PRKAA2: variants seen among roughly 807,000 people sequenced by gnomAD.
PRKAA2 encodes the protein 5'-AMP-activated protein kinase catalytic subunit alpha-2.
PRKAA2 carries 40 observed loss-of-function variants against 56.3 expected under a neutral mutation model. The ratio of observed to expected loss-of-function variants is 0.71; its 90% CI spans 0.55 to 0.92. The LOEUF (loss-of-function observed/expected upper bound fraction) is 0.92, where lower values mean the gene tolerates loss of function less well. Ranked by LOEUF, PRKAA2 falls within the 40% of genes least tolerant of loss-of-function variation. The probability of loss-of-function intolerance (pLI) is 0.00; values close to 1 mark genes in which losing one functional copy is unlikely to be tolerated. For missense variants in PRKAA2, 542 were observed against 686.9 expected (o/e 0.79, Z 2.36); for synonymous variants, 214 against 234.2 (o/e 0.91, Z 0.79).
chr1:56,646,209 T>C (rs896419575), intron 1 of PRKAA2, among the ~76,000 whole-genome samples: 1 of 152,144 alleles, frequency 6.6e-6, no homozygotes, highest in Non-Finnish European at 1.5e-5. Flanking sequence ...TCTTTCTTCC[T>C]GGGGTGTTGT....
At chr1:56,651,864 ACTAGTCT>A (rs1557541012) in intron 1 of PRKAA2, among the ~76,000 whole-genome samples, 1 of 149,146 alleles carries the variant, frequency 6.7e-6, no homozygotes, top group African/African-American at 2.5e-5. Context: ...TTTTTTTGAG[ACTAGTCT>A]GGCTCTGTCG....
chr1:56,664,855 T>TATAC (rs141862954), intron 1 of PRKAA2, among the ~76,000 whole-genome samples: 1 of 139,838 alleles, frequency 7.2e-6, no homozygotes, highest in Non-Finnish European at 1.5e-5. Context: ...AGTATATGTG[T>TATAC]ACACACACAC....
intron 1 of PRKAA2, among the ~76,000 whole-genome samples, chr1:56,645,733 C>T (rs1356763559): frequency 6.6e-6 from 1 of 152,048 alleles, no homozygotes; most frequent in Non-Finnish European, 1.5e-5. Context: ...TTCCAGGTTC[C>T]GCGCCCATCT....
chr1:56,649,999 G>A (rs1646674043), intron 1 of PRKAA2, among the ~76,000 whole-genome samples: 1 of 152,122 alleles, frequency 6.6e-6, no homozygotes, highest in Non-Finnish European at 1.5e-5. Context: ...GGAAGCTGAG[G>A]CAGGAGAATC....
chr1:56,692,601 G>A, intron 4 of PRKAA2, 99 bp downstream of exon 4: 2 of 1,226,904 alleles, frequency 1.6e-6, no homozygotes, highest in Non-Finnish European at 2.2e-6. Flanking sequence ...TGTACGTTCT[G>A]TACCATGAAA....
chr1:56,672,650 A>G (rs2796542), intron 1 of PRKAA2, among the ~76,000 whole-genome samples: 97,102 of 151,998 alleles, frequency 0.64, 31,270 homozygotes, highest in Middle Eastern at 0.71. Flanking sequence ...TTAGTAGGAG[A>G]AACAGGAGAG....
Position 56,711,370 on chromosome 1 carries a change from G to T in PRKAA2, c.*3657G>T, listed in dbSNP as rs768216566. 4 of 152,090 alleles carry T rather than the reference G, an allele frequency of 2.6e-5. No individual in the cohort carries two copies. The highest frequency in any genetic ancestry group is 5.9e-5 in the Non-Finnish European group (4 of 67,976). The allele number at this position is 152,090 out of a possible 1,614,324, so 9.4% of individuals were successfully genotyped here. A position where few individuals can be genotyped will look rare whatever the true frequency, so the allele number is the denominator to read the frequency against. On this transcript the variant is annotated 3_prime_UTR_variant, in exon 9 of 9. Coordinates refer to ENST00000371244, the MANE Select transcript of PRKAA2 (RefSeq NM_006252.4). ...ATTTATCTGTAGCATTGAATAATGT[G>T]CAGTGTACTGAGTTAATGTAGGCAC...
At chr1:56,649,962 G>A (rs938628565) in intron 1 of PRKAA2, among the ~76,000 whole-genome samples, 1 of 152,120 alleles carries the variant, frequency 6.6e-6, no homozygotes. Context: ...AGCTGTGATG[G>A]TGCGCGCCTG....
chr1:56,699,074 C>A (rs1033578943), intron 6 of PRKAA2, among the ~76,000 whole-genome samples: 4 of 152,076 alleles, frequency 2.6e-5, no homozygotes, highest in African/African-American at 9.7e-5. Flanking sequence ...GGAGCGTAGT[C>A]ATAGATCAAA....
intron 1 of PRKAA2, among the ~76,000 whole-genome samples, chr1:56,662,100 T>C (rs1216898243): frequency 8.5e-5 from 13 of 152,166 alleles, no homozygotes; most frequent in Admixed American, 7.9e-4. Context: ...CATCAGAAGT[T>C]TTCTCCCATG....
rs1405705256 is a variant in PRKAA2 at position 56,707,571 on chromosome 1, C to T, written c.1517C>T (p.Thr506Ile). The change falls in exon 9 of 9, where the codon ACT (threonine) becomes ATT (isoleucine). Residue 506 changes from threonine (T) to isoleucine (I), a missense_variant. Coordinates refer to ENST00000371244, the MANE Select transcript of PRKAA2 (RefSeq NM_006252.4). ...CCAAGATCAAGTTTTGATTCCACAA[C>T]TGCAGAGAGCCATTCACTTTCTGGC... ...HRPRSSFDST[T>I]AESHSLSGSL... 5 of 1,614,022 alleles carry T rather than the reference C, an allele frequency of 3.1e-6. No homozygotes were observed. In the East Asian group the frequency reaches 8.9e-5, roughly 29 times the overall value.
chr1:56,703,117 T>G (rs1222096617), intron 6 of PRKAA2, among the ~76,000 whole-genome samples: 1 of 152,116 alleles, frequency 6.6e-6, no homozygotes, highest in African/African-American at 2.4e-5. Context: ...AGGATAACAA[T>G]AGTAACATCA....
chr1:56,695,955 T>C lies in PRKAA2; in HGVS notation c.584T>C (p.Val195Ala). Residue 195 changes from valine to alanine, a missense_variant, in exon 6 of 9, where the codon GTT becomes GCT. Val to Ala is a moderately conservative substitution (Grantham distance 64). Around this residue, in one of 5 missense-constraint regions of PRKAA2, gnomAD observed 121 missense variants for 210.0 expected, o/e 0.58. Coordinates refer to ENST00000371244, the MANE Select transcript of PRKAA2 (RefSeq NM_006252.4). ...CTTAGATTGTATGCAGGTCCTGAAGTTGATATCTGGAGCTGTGGTGTTATC... is the reference window on the plus strand; with the variant it reads ...CTTAGATTGTATGCAGGTCCTGAAGCTGATATCTGGAGCTGTGGTGTTATC... ...ISGRLYAGPE[V>A]DIWSCGVILY... 1 of 1,612,882 alleles carries C rather than the reference T, an allele frequency of 6.2e-7. No homozygotes were observed. The highest frequency in any genetic ancestry group is 8.5e-7 in the Non-Finnish European group (1 of 1,179,824).
intron 1 of PRKAA2, among the ~76,000 whole-genome samples, chr1:56,648,466 G>A (rs1055015338): frequency 3.9e-5 from 6 of 152,158 alleles, no homozygotes; most frequent in Admixed American, 2.0e-4. Context: ...CCAGTTGATG[G>A]TCATGGTTTC....
At chr1:56,684,929 GAGGA>G (rs916129826) in intron 2 of PRKAA2, among the ~76,000 whole-genome samples, 18 of 152,156 alleles carry the variant, frequency 1.2e-4, no homozygotes, top group Non-Finnish European at 1.5e-4. Context: ...ATTCAGTCAA[GAGGA>G]AGGAATTGAT....
At chr1:56,665,521 A>G (rs1470896883) in intron 1 of PRKAA2, among the ~76,000 whole-genome samples, 1 of 152,150 alleles carries the variant, frequency 6.6e-6, no homozygotes, top group Non-Finnish European at 1.5e-5. Flanking sequence ...TAATTTATGC[A>G]TTTCTGTTGG....
intron 1 of PRKAA2, among the ~76,000 whole-genome samples, chr1:56,648,841 CATTT>C: frequency 6.6e-6 from 1 of 152,226 alleles, no homozygotes; most frequent in African/African-American, 2.4e-5. Flanking sequence ...AATTACTAGT[CATTT>C]ATGTATTTTC....
intron 7 of PRKAA2, among the ~76,000 whole-genome samples, chr1:56,704,809 A>T (rs1354737523): frequency 2.0e-5 from 3 of 150,204 alleles, no homozygotes; most frequent in Non-Finnish European, 4.4e-5. Context: ...TTTTTTTTTT[A>T]GGGAGGTTAT....
At chr1:56,695,047 CAT>C (rs10561018) in intron 5 of PRKAA2, among the ~76,000 whole-genome samples, 1,735 of 151,512 alleles carry the variant, frequency 0.011, 35 homozygotes, top group African/African-American at 0.041. Flanking sequence ...TGATTTTAGT[CAT>C]ATGAGTTAGG....
Sources: allele counts gnomAD v4.1 joint callset (sites outside exome capture counted in the v4.1 genomes callset), GRCh38; gene constraint gnomAD v4.1.1; regional missense constraint gnomAD v4.1.1; transcripts MANE v1.5; gene names NCBI Gene and HGNC (gene_info 2026-07-23, HGNC 2026-07-21).